DDX43: variants seen among roughly 807,000 people sequenced by gnomAD.
DDX43 encodes the protein probable ATP-dependent RNA helicase DDX43.
DDX43 carries 50 observed loss-of-function variants against 84.9 expected under a neutral mutation model. The observed-to-expected ratio is 0.59, with a 90% confidence interval of 0.47 to 0.75. DDX43 has a LOEUF of 0.75. DDX43 is among the 30% of genes least tolerant of loss of function. The probability of loss-of-function intolerance (pLI) is 0.00; values close to 1 mark genes in which losing one functional copy is unlikely to be tolerated. For synonymous variants in DDX43, 291 were observed against 266.3 expected, an observed-to-expected ratio of 1.09 and a Z score of -0.90; for missense variants, 689 against 798.6, an observed-to-expected ratio of 0.86 and a Z score of 1.65.
At chr6:73,398,640 G>A (rs1349384152) in intron 2 of DDX43, among the ~76,000 whole-genome samples, 1 of 152,200 alleles carries the variant, frequency 6.6e-6, no homozygotes, top group Non-Finnish European at 1.5e-5. Context: ...ATCTGCATAA[G>A]AATGAGATCA....
intron 10 of DDX43, among the ~76,000 whole-genome samples, chr6:73,411,968 G>A (rs941290779): frequency 6.6e-6 from 1 of 152,222 alleles, no homozygotes; most frequent in Non-Finnish European, 1.5e-5. Flanking sequence ...GAAGTGCTGG[G>A]ATTACAGGCG....
At position 73,413,688 on chromosome 6, in the gene DDX43, G is replaced by T; in HGVS notation, c.1399G>T (p.Val467Leu). The T allele has an allele frequency of 6.2e-7, 1 of 1,613,646 alleles. No individual in the cohort carries two copies. Among genetic ancestry groups the T allele is most frequent in the Non-Finnish European group, 8.5e-7 (1 of 1,179,808 alleles). Residue 467 changes from valine to leucine, a missense_variant, in exon 12 of 17, where the codon GTA becomes TTA. Physicochemically the swap from Val to Leu is conservative, Grantham distance 32. This residue lies in a region of DDX43 where 552 missense variants were observed against 692.7 expected (regional missense o/e 0.80). Transcript: ENST00000370336. ...AVSSVKQNII[V>L]TTEEEKWSHM... ...AAGTTCAGTGAAGCAAAATATAATT[G>T]TAACCACCGAGGAAGAGAAATGGAG... is the stretch of plus-strand genomic sequence containing the variant.
chr6:73,417,562 AAAGAC>A (rs1343373541), exon 17 of DDX43: 3 of 152,240 alleles, frequency 2.0e-5, no homozygotes, highest in African/African-American at 7.2e-5. Context: ...TCTGTGATAA[AAAGAC>A]AAGTTGATAA....
rs76606448 is a variant in DDX43, at chr6:73,410,767, A to G, written c.1280+1419A>G. 3.7e-4 allele frequency among the ~76,000 whole-genome samples: 56 copies of G among 151,922 alleles called. No individual in the cohort carries two copies. The East Asian group carries it at 4.5e-3, about 12-fold the overall frequency. On this transcript the variant is annotated intron_variant, in intron 10 of 16. Coordinates refer to ENST00000370336, the MANE Select transcript of DDX43 (RefSeq NM_018665.3). ...GCCACCACACCCAGCTCATTTTTGT[A>G]TTTTTTGTAGAGACAGGGTTATCAC...
At chr6:73,405,318 A>G (rs1036296984) in intron 5 of DDX43, among the ~76,000 whole-genome samples, 2 of 152,194 alleles carry the variant, frequency 1.3e-5, no homozygotes, top group South Asian at 2.1e-4. Context: ...ACTTCCTAAC[A>G]CATAGGATTG....
chr6:73,397,105 C>A (rs529657259), intron 1 of DDX43, among the ~76,000 whole-genome samples: 5 of 152,140 alleles, frequency 3.3e-5, no homozygotes, highest in Non-Finnish European at 7.3e-5. Context: ...TATGTTAATT[C>A]TGTTTTTAAT....
At chr6:73,403,805 A>G (rs1185227043) in intron 4 of DDX43, among the ~76,000 whole-genome samples, 1 of 149,312 alleles carries the variant, frequency 6.7e-6, no homozygotes, top group African/African-American at 2.5e-5. Flanking sequence ...ACATACCACC[A>G]TGCCAGGCTA....
intron 4 of DDX43, among the ~76,000 whole-genome samples, chr6:73,403,691 C>T (rs1416030168): frequency 1.3e-5 from 2 of 151,958 alleles, no homozygotes; most frequent in African/African-American, 4.8e-5. Context: ...ACTCTGTTGC[C>T]TAGGCTAGAG....
Position 73,408,077 on chromosome 6 carries a change from C to A in DDX43, c.1155C>A (p.Val385=). ...RLNDLQMSNF[V]NLKNITYLVL... ...ATGATCTGCAAATGAGTAACTTCGT[C>A]AATCTGAAGAATATAACCTACTTGG... Residue 385 remains valine (V), a synonymous_variant, in exon 9 of 17, where the codon GTC becomes GTA. Transcript: ENST00000370336. 2 of 1,613,942 alleles carry A rather than the reference C, an allele frequency of 1.2e-6. No individual in the cohort carries two copies. The highest frequency in any genetic ancestry group is 1.1e-5 in the South Asian group (1 of 91,056).
chr6:73,411,537 C>T (rs563282421), intron 10 of DDX43, among the ~76,000 whole-genome samples: 1 of 151,986 alleles, frequency 6.6e-6, no homozygotes, highest in African/African-American at 2.4e-5. Flanking sequence ...CCATGTTGAC[C>T]AGGCTGGTCT....
chr6:73,410,735 G>A (rs1769767528), intron 10 of DDX43, among the ~76,000 whole-genome samples: 1 of 152,002 alleles, frequency 6.6e-6, no homozygotes, highest in Non-Finnish European at 1.5e-5. Flanking sequence ...TGGAACTACA[G>A]GTGCATGCCA....
At chr6:73,395,226 T>A in intron 1 of DDX43, 71 bp downstream of exon 1, 1 of 1,497,826 alleles carries the variant, frequency 6.7e-7, no homozygotes, top group Non-Finnish European at 8.9e-7. Context: ...AGGCATTTCC[T>A]CCCCACTGCC....
At chr6:73,398,666 T>A (rs1168021534) in intron 2 of DDX43, among the ~76,000 whole-genome samples, 1 of 152,266 alleles carries the variant, frequency 6.6e-6, no homozygotes, top group Non-Finnish European at 1.5e-5. Context: ...ATATTCATCA[T>A]GTCCAAAAGG....
chr6:73,410,415 A>G (rs1339006234), intron 10 of DDX43, among the ~76,000 whole-genome samples: 2 of 152,092 alleles, frequency 1.3e-5, no homozygotes, highest in Admixed American at 6.6e-5. Flanking sequence ...TCATCTGTCT[A>G]GGCCTCCCAA....
intron 7 of DDX43, 33 bp from the exon 8 acceptor site, chr6:73,407,472 G>A (rs1249594258): frequency 7.1e-7 from 1 of 1,407,004 alleles, no homozygotes; most frequent in African/African-American, 1.4e-5. Context: ...TCTGAGACAA[G>A]TAATTTAATA....
At chr6:73,408,509 C>A (rs917983300) in intron 9 of DDX43, among the ~76,000 whole-genome samples, 3 of 152,042 alleles carry the variant, frequency 2.0e-5, no homozygotes, top group Admixed American at 6.6e-5. Flanking sequence ...TAATCAACTC[C>A]CAAGTGCTTG....
At position 73,412,638 on chromosome 6, in the gene DDX43, A is replaced by AGTGTGTGT. The variant is rs66577187; in HGVS notation, c.1368+370_1368+377dup. Among the ~76,000 whole-genome samples, 563 of 59,622 alleles carry AGTGTGTGT rather than the reference A, an allele frequency of 9.4e-3. 16 individuals carry two copies. Among genetic ancestry groups the AGTGTGTGT allele is most frequent in the South Asian group, 0.048 (77 of 1,618 alleles). The allele number at this position is 59,622 out of a possible 152,430, so 39.1% of individuals were successfully genotyped here. A position where few individuals can be genotyped will look rare whatever the true frequency, so the allele number is the denominator to read the frequency against. On this transcript the variant is annotated intron_variant, in intron 11 of 16. Transcript: ENST00000370336. ...CTGGGTTCAAGTGATATATATATAT[A>AGTGTGTGT]GTGTGTGTGTGTGTGTGTGTGTGTG... is the stretch of plus-strand genomic sequence containing the variant.
chr6:73,413,861 A>T (rs1390860022), intron 12 of DDX43, 76 bp downstream of exon 12: 4 of 1,543,334 alleles, frequency 2.6e-6, no homozygotes, highest in Non-Finnish European at 3.5e-6. Context: ...TACTAATTCC[A>T]AATGGGGGTG....
chr6:73,394,925 C>G lies in DDX43; in HGVS notation c.20C>G (p.Ala7Gly). 6.2e-7 allele frequency: 1 copy of G among 1,614,242 alleles called. No homozygotes were observed. The highest frequency in any genetic ancestry group is 8.5e-7 in the Non-Finnish European group (1 of 1,180,042). The change falls in exon 1 of 17, where the codon GCT becomes GGT. Residue 7 changes from alanine to glycine, a missense_variant. Physicochemically the swap from Ala to Gly is moderately conservative, Grantham distance 60. This residue lies in a region of DDX43 where 137 missense variants were observed against 105.9 expected (regional missense o/e 1.29). Coordinates refer to ENST00000370336, the MANE Select transcript of DDX43 (RefSeq NM_018665.3). The stretch of plus-strand genomic sequence containing the variant: ...GGAACAATGTCCCACCACGGAGGAG[C>G]TCCCAAGGCCTCTACGTGGGTCGTT... MSHHGGAPKASTWVVAS... is the reference protein window; with the variant it reads MSHHGGGPKASTWVVAS...
Sources: gnomAD v4.1 joint callset for allele counts (sites outside exome capture counted in the v4.1 genomes callset) on GRCh38, gnomAD v4.1.1 for gene constraint, gnomAD v4.1.1 regional missense constraint, MANE v1.5 for transcripts, NCBI Gene and HGNC (gene_info 2026-07-23, HGNC 2026-07-21) for gene names.